POLK: variants seen among roughly 807,000 people sequenced by gnomAD.
POLK encodes DNA polymerase kappa.
Under a neutral mutation model 94.0 loss-of-function variants are expected in POLK, and 76 were observed. The ratio of observed to expected loss-of-function variants is 0.81; its 90% CI spans 0.67 to 0.98. The LOEUF (loss-of-function observed/expected upper bound fraction) is 0.98, where lower values mean the gene tolerates loss of function less well. POLK is among the 50% of genes least tolerant of loss of function. POLK has a pLI of 0.00. For synonymous variants in POLK, 349 were observed against 325.4 expected, an observed-to-expected ratio of 1.07 and a Z score of -0.78; for missense variants, 954 against 1,010.1, an observed-to-expected ratio of 0.94 and a Z score of 0.75.
chr5:75,606,974 G>A, the POLK span, among the ~76,000 whole-genome samples: 2 of 152,112 alleles, frequency 1.3e-5, no homozygotes, highest in Non-Finnish European at 2.9e-5. Flanking sequence ...CTAGTGACTG[G>A]CAGAAGCATA....
intron 1 of POLK, among the ~76,000 whole-genome samples, chr5:75,546,667 T>C (rs1338372359): frequency 2.3e-5 from 3 of 128,946 alleles, no homozygotes; most frequent in Non-Finnish European, 4.8e-5. Context: ...TTCTGGTTTT[T>C]GTTTGTTTGT....
At chr5:75,566,440 T>G (rs1462417803) in intron 3 of POLK, among the ~76,000 whole-genome samples, 2 of 152,192 alleles carry the variant, frequency 1.3e-5, no homozygotes, top group African/African-American at 4.8e-5. Flanking sequence ...GCTAGCTCAG[T>G]GTCTGCCCAA....
chr5:75,544,596 C>CA (rs1769917980), intron 1 of POLK, among the ~76,000 whole-genome samples: 1 of 151,286 alleles, frequency 6.6e-6, no homozygotes, highest in Non-Finnish European at 1.5e-5. Context: ...AAGCCGAGAT[C>CA]ACACCACTGC....
chr5:75,562,625 A>G (rs1771047304), intron 3 of POLK, among the ~76,000 whole-genome samples: 1 of 152,188 alleles, frequency 6.6e-6, no homozygotes, highest in Admixed American at 6.5e-5. Context: ...TTGTCCATTC[A>G]GTATGATATT....
intron 5 of POLK, among the ~76,000 whole-genome samples, chr5:75,575,075 A>G (rs1194809187): frequency 6.6e-6 from 1 of 152,220 alleles, no homozygotes; most frequent in African/African-American, 2.4e-5. Flanking sequence ...GCTAGTTTAT[A>G]TGCAGATAAC....
chr5:75,548,837 T>C (rs1032484728), intron 2 of POLK, among the ~76,000 whole-genome samples: 8 of 152,034 alleles, frequency 5.3e-5, no homozygotes, highest in Admixed American at 3.9e-4. Context: ...GGTAAGGGTA[T>C]ATAGGTGTTC....
Position 75,581,467 on chromosome 5 carries a change from A to G in POLK, c.934+19A>G. 6.2e-7 allele frequency: 1 copy of G among 1,604,226 alleles called. No homozygotes were observed. Among genetic ancestry groups the G allele is most frequent in the Non-Finnish European group, 8.5e-7 (1 of 1,171,758 alleles). ...AGTGCAGGTATTTAAAAGAGTATTG[A>G]TGGCCACTGTAGTTATAATTTTCAG... is the stretch of plus-strand genomic sequence containing the variant. On this transcript the variant is annotated intron_variant, in intron 7 of 14. Transcript: ENST00000241436.
intron 3 of POLK, among the ~76,000 whole-genome samples, chr5:75,563,645 T>C (rs1771110868): frequency 6.6e-6 from 1 of 152,230 alleles, no homozygotes; most frequent in Non-Finnish European, 1.5e-5. Context: ...TCTGCCTTAA[T>C]TTCATATTTA....
Position 75,571,926 on chromosome 5 carries a change from T to C in POLK, c.409-1812T>C, listed in dbSNP as rs1015144837. Among the ~76,000 whole-genome samples, 13 of 152,332 alleles carry C rather than the reference T, an allele frequency of 8.5e-5. No individual in the cohort carries two copies. The East Asian group carries it at 1.2e-3, about 14-fold the overall frequency. On this transcript the variant is annotated intron_variant, in intron 4 of 14. Coordinates refer to ENST00000241436, the Ensembl canonical transcript of POLK. Reference sequence around the variant, plus strand: ...TATATTAAACTTATTTACTAAACCATTGGTTTTGTTTCTAGTGCTATCCAC... The same window carrying C: ...TATATTAAACTTATTTACTAAACCACTGGTTTTGTTTCTAGTGCTATCCAC...
At chr5:75,558,530 CTTTGA>C (rs1251762609) in intron 3 of POLK, among the ~76,000 whole-genome samples, 1 of 151,984 alleles carries the variant, frequency 6.6e-6, no homozygotes, top group Non-Finnish European at 1.5e-5. Context: ...CTCAATTGTT[CTTTGA>C]TTTATTTCTG....
At chr5:75,553,021 A>G (rs1770411251) in intron 3 of POLK, among the ~76,000 whole-genome samples, 1 of 152,182 alleles carries the variant, frequency 6.6e-6, no homozygotes, top group Non-Finnish European at 1.5e-5. Flanking sequence ...TAAATTGGAG[A>G]GTAACTTAAA....
intron 1 of POLK, chr5:75,538,677 A>C (rs1417835422): frequency 2.0e-5 from 3 of 152,160 alleles, no homozygotes; most frequent in Non-Finnish European, 4.4e-5. Flanking sequence ...AATTGAGAAT[A>C]ATTATTTTTA....
chr5:75,541,028 A>G (rs540516279), intron 1 of POLK, among the ~76,000 whole-genome samples: 2 of 152,312 alleles, frequency 1.3e-5, no homozygotes, highest in African/African-American at 4.8e-5. Context: ...TCATGCCTAT[A>G]ATCCCAGCAC....
intron 1 of POLK, among the ~76,000 whole-genome samples, chr5:75,523,705 T>G (rs2112544501): frequency 6.6e-6 from 1 of 152,330 alleles, no homozygotes; most frequent in African/African-American, 2.4e-5. Flanking sequence ...TGGAAAGCCT[T>G]GGGTTTTTTT....
intron 3 of POLK, among the ~76,000 whole-genome samples, chr5:75,557,945 T>C (rs935211101): frequency 6.6e-6 from 1 of 152,004 alleles, no homozygotes; most frequent in African/African-American, 2.4e-5. Flanking sequence ...CTCACTGCCA[T>C]GCCTGGCTAG....
At chr5:75,551,289 A>T (rs1770319603) in intron 2 of POLK, among the ~76,000 whole-genome samples, 1 of 151,572 alleles carries the variant, frequency 6.6e-6, no homozygotes, top group African/African-American at 2.4e-5. Context: ...TAAAAATAAA[A>T]AGATAGGTCA....
intron 3 of POLK, among the ~76,000 whole-genome samples, chr5:75,553,810 C>T (rs1297308892): frequency 6.6e-6 from 1 of 152,064 alleles, no homozygotes; most frequent in African/African-American, 2.4e-5. Flanking sequence ...ATTCTGTTTG[C>T]GAGTATATAC....
chr5:75,557,038 G>A (rs1398032924), intron 3 of POLK, among the ~76,000 whole-genome samples: 1 of 152,072 alleles, frequency 6.6e-6, no homozygotes, highest in Non-Finnish European at 1.5e-5. Context: ...ACTCCAGCCT[G>A]GGCAACAGAA....
downstream of POLK, among the ~76,000 whole-genome samples, chr5:75,601,484 G>C (rs558931565): frequency 6.6e-6 from 1 of 152,304 alleles, no homozygotes; most frequent in South Asian, 2.1e-4. Flanking sequence ...ATTAACATTT[G>C]AGTCAGTGGG....
Sources: gnomAD v4.1 joint callset for allele counts (sites outside exome capture counted in the v4.1 genomes callset) on GRCh38, gnomAD v4.1.1 for gene constraint, MANE v1.5 for transcripts, NCBI Gene and HGNC (gene_info 2026-07-23, HGNC 2026-07-21) for gene names.